Variants in DNER observed in about 807,000 individuals in gnomAD.
The protein encoded by DNER is delta and Notch-like epidermal growth factor-related receptor.
Under a neutral mutation model 78.2 loss-of-function variants are expected in DNER, and 33 were observed. That is an observed-to-expected ratio of 0.42 (90% confidence interval 0.32 to 0.56). DNER has a LOEUF of 0.56. DNER is among the 20% of genes least tolerant of loss of function. The pLI is 0.11. For synonymous variants in DNER, 417 were observed against 384.8 expected, an observed-to-expected ratio of 1.08 and a Z score of -0.98; for missense variants, 918 against 975.3, an observed-to-expected ratio of 0.94 and a Z score of 0.78.
chr2:229,663,500 T>G (rs1314781726), intron 1 of DNER, among the ~76,000 whole-genome samples: 2 of 152,242 alleles, frequency 1.3e-5, no homozygotes, highest in Non-Finnish European at 2.9e-5. Context: ...ACTTGTATGC[T>G]GCACAGACAC....
chr2:229,506,324 T>C (rs763433760), intron 6 of DNER, among the ~76,000 whole-genome samples: 13 of 152,120 alleles, frequency 8.5e-5, no homozygotes, highest in Non-Finnish European at 1.6e-4. Flanking sequence ...AATGAATTAC[T>C]ATCACAAGGA....
intron 10 of DNER, among the ~76,000 whole-genome samples, chr2:229,399,792 T>C (rs1693229032): frequency 1.3e-5 from 2 of 152,072 alleles, no homozygotes. Context: ...CCCTTTCAGC[T>C]AATGATGCTT....
At chr2:229,498,953 A>C (rs771637897) in intron 6 of DNER, among the ~76,000 whole-genome samples, 16 of 152,228 alleles carry the variant, frequency 1.1e-4, no homozygotes, top group Non-Finnish European at 2.1e-4. Flanking sequence ...AAATAGCTAA[A>C]ATCAATCTTG....
At chr2:229,558,593 G>A (rs1696897508) in intron 4 of DNER, among the ~76,000 whole-genome samples, 1 of 152,142 alleles carries the variant, frequency 6.6e-6, no homozygotes, top group Non-Finnish European at 1.5e-5. Context: ...CTAAGTCTGT[G>A]ATTCCATTTA....
chr2:229,367,857 T>C (rs929542982), intron 11 of DNER, among the ~76,000 whole-genome samples: 1 of 152,210 alleles, frequency 6.6e-6, no homozygotes, highest in Non-Finnish European at 1.5e-5. Flanking sequence ...CATTTTAGGA[T>C]TTATGCTGGG....
intron 1 of DNER, among the ~76,000 whole-genome samples, chr2:229,664,010 C>T (rs1559200244): frequency 6.6e-6 from 1 of 152,152 alleles, no homozygotes. Context: ...CCAAAAAGGC[C>T]TTGAAATTAA....
At chr2:229,426,843 T>C (rs1693889739) in intron 8 of DNER, among the ~76,000 whole-genome samples, 1 of 152,242 alleles carries the variant, frequency 6.6e-6, no homozygotes, top group South Asian at 2.1e-4. Context: ...ATCGTGCTTC[T>C]GTCACACACA....
intron 1 of DNER, among the ~76,000 whole-genome samples, chr2:229,611,243 C>G (rs748803291): frequency 3.3e-5 from 5 of 152,040 alleles, no homozygotes; most frequent in Admixed American, 6.6e-5. Flanking sequence ...GCTACGAAGT[C>G]ATTTGCACAT....
chr2:229,540,748 G>C (rs1404000226), intron 5 of DNER, among the ~76,000 whole-genome samples: 1 of 152,198 alleles, frequency 6.6e-6, no homozygotes, highest in Non-Finnish European at 1.5e-5. Context: ...AAATGCAAGA[G>C]CTTCTCTCAG....
intron 5 of DNER, among the ~76,000 whole-genome samples, chr2:229,523,842 A>G (rs1574884487): frequency 1.3e-5 from 2 of 152,222 alleles, no homozygotes; most frequent in East Asian, 1.9e-4. Flanking sequence ...TTAGCATTGC[A>G]TGTGCAGATG....
At position 229,588,442 on chromosome 2, in the gene DNER, G is replaced by A. The variant is rs151203591; in HGVS notation, c.632C>T (p.Ala211Val). 38 of 1,604,378 alleles carry A rather than the reference G, an allele frequency of 2.4e-5. No individual in the cohort carries two copies. Among genetic ancestry groups the A allele is most frequent in the Middle Eastern group, 1.7e-4 (1 of 6,034 alleles). The change falls in exon 3 of 13, where the codon GCG becomes GTG. Residue 211 changes from alanine (A) to valine (V), a missense_variant. By Grantham distance (64) the Ala-to-Val change is moderately conservative. Coordinates refer to ENST00000341772, the MANE Select transcript of DNER (RefSeq NM_139072.4). ...ACGNASSNSS[A>V]GGRLVSFEVP... ...TTCAAAGGATACCAGGCGGCCACCC[G>A]CAGAGCTGTTAGAACTGGCATTCCC...
intron 1 of DNER, among the ~76,000 whole-genome samples, chr2:229,674,339 T>C (rs1476747741): frequency 6.6e-6 from 1 of 152,198 alleles, no homozygotes; most frequent in Non-Finnish European, 1.5e-5. Flanking sequence ...AGTGCAGTGA[T>C]GCGATCTCGG....
chr2:229,545,451 T>C (rs2154213163), intron 5 of DNER, among the ~76,000 whole-genome samples: 1 of 152,350 alleles, frequency 6.6e-6, no homozygotes, highest in Admixed American at 6.5e-5. Context: ...GGCACATGCC[T>C]GTAATCCCAG....
At chr2:229,644,334 C>CTTTTT (rs5839345) in intron 1 of DNER, among the ~76,000 whole-genome samples, 4 of 97,506 alleles carry the variant, frequency 4.1e-5, no homozygotes, top group Non-Finnish European at 7.8e-5. Context: ...CTTGCTTTCT[C>CTTTTT]TTTTTTTTTT....
intron 1 of DNER, among the ~76,000 whole-genome samples, chr2:229,692,129 C>A (rs1311475127): frequency 9.2e-5 from 14 of 152,178 alleles, no homozygotes; most frequent in Admixed American, 9.2e-4. Flanking sequence ...CTACAGACTG[C>A]CTTTGATGCT....
At chr2:229,624,667 G>T (rs544567721) in intron 1 of DNER, among the ~76,000 whole-genome samples, 1 of 152,178 alleles carries the variant, frequency 6.6e-6, no homozygotes, top group Non-Finnish European at 1.5e-5. Flanking sequence ...GATCAGGTAC[G>T]TTTGCCTGCA....
At chr2:229,692,436 T>C (rs1293736741) in intron 1 of DNER, among the ~76,000 whole-genome samples, 1 of 152,256 alleles carries the variant, frequency 6.6e-6, no homozygotes, top group African/African-American at 2.4e-5. Flanking sequence ...TTAAAATCAG[T>C]ACTTCTATTG....
intron 10 of DNER, among the ~76,000 whole-genome samples, chr2:229,395,292 A>G (rs1693110887): frequency 6.6e-6 from 1 of 152,204 alleles, no homozygotes; most frequent in African/African-American, 2.4e-5. Context: ...GGGAATTTAC[A>G]TAAGAAAACT....
At chr2:229,503,184 T>A (rs1488755995) in intron 6 of DNER, among the ~76,000 whole-genome samples, 2 of 152,014 alleles carry the variant, frequency 1.3e-5, no homozygotes, top group African/African-American at 4.8e-5. Context: ...CTAATGGGGG[T>A]AGGTTATGCT....
Sources: allele counts gnomAD v4.1 joint callset (sites outside exome capture counted in the v4.1 genomes callset), GRCh38; gene constraint gnomAD v4.1.1; transcripts MANE v1.5; gene names NCBI Gene and HGNC (gene_info 2026-07-23, HGNC 2026-07-21).